The following ABCB11 variants were observed in gnomAD, a reference collection of about 807,000 sequenced individuals.
The protein encoded by ABCB11 is ATP binding cassette subfamily B member 11, also known as bile salt export pump.
ABCB11 carries 95 observed loss-of-function variants against 148.0 expected under a neutral mutation model. That is an observed-to-expected ratio of 0.64 (90% CI 0.54 to 0.76). The LOEUF is 0.76. ABCB11 is among the 30% of genes least tolerant of loss of function. The pLI is 0.00. For missense variants in ABCB11, 1,523 were observed against 1,617.8 expected (o/e 0.94, Z 1.01); for synonymous variants, 591 against 555.4 (o/e 1.06, Z -0.90).
At chr2:169,006,777 A>G (rs1695032240) in intron 5 of ABCB11, among the ~76,000 whole-genome samples, 1 of 152,186 alleles carries the variant, frequency 6.6e-6, no homozygotes, top group Admixed American at 6.5e-5. Context: ...CAAACTGAAA[A>G]TAAAATTAAG....
chr2:168,935,423 A>C lies in ABCB11; in HGVS notation c.2817T>G (p.Ile939Met), dbSNP rs190613050. 28 of 1,608,892 alleles carry C rather than the reference A, an allele frequency of 1.7e-5. 1 individual carries two copies. The African/African-American group carries it at 3.1e-4, about 18-fold the overall frequency. The change falls in exon 23 of 28, where the codon ATT (isoleucine) becomes ATG (methionine). Residue 939 changes from isoleucine (I) to methionine (M), a missense_variant and splice_region_variant. Ile to Met is a conservative substitution (Grantham distance 10). Transcript: ENST00000650372. ...DKQALEMVGQITNEALSNIRT... is the reference protein window; with the variant it reads ...DKQALEMVGQMTNEALSNIRT... ...GGATGTTACTGAGGGCTTCATTTGT[A>C]ATCTGAAGATTGAAAAAGAGTCTTA...
At position 168,970,059 on chromosome 2, in the gene ABCB11, C is replaced by G. The variant is rs996193241; in HGVS notation, c.1795G>C (p.Glu599Gln). Reference protein sequence around the residue: ...LDNESEAMVQEVLSKIQHGHT... With the variant: ...LDNESEAMVQQVLSKIQHGHT... ...CTTCCACAAACCTTACTCAGCACTT[C>G]TTGCACCATGGCTTCACTCTCATTG... Residue 599 changes from glutamate (E) to glutamine (Q), a missense_variant, in exon 15 of 28, where the codon GAA (glutamate) becomes CAA (glutamine). Physicochemically the swap from Glu to Gln is conservative, Grantham distance 29 (BLOSUM62 2). Transcript: ENST00000650372. The G allele has an allele frequency of 2.5e-6, 4 of 1,589,360 alleles. No individual in the cohort carries two copies. Among genetic ancestry groups the G allele is most frequent in the Non-Finnish European group, 3.4e-6 (4 of 1,163,994 alleles).
chr2:168,967,535 C>G (rs1179703267), intron 17 of ABCB11, among the ~76,000 whole-genome samples: 4 of 151,860 alleles, frequency 2.6e-5, no homozygotes, highest in Non-Finnish European at 4.4e-5. Context: ...TTTTAAGGCT[C>G]TTTAACAACT....
At chr2:168,960,519 A>C (rs536800028) in intron 18 of ABCB11, among the ~76,000 whole-genome samples, 6 of 151,662 alleles carry the variant, frequency 4.0e-5, no homozygotes, top group African/African-American at 9.7e-5. Flanking sequence ...CTAAACAACA[A>C]CACTTAGGAC....
chr2:169,005,887 C>A (rs1300396865), intron 5 of ABCB11, among the ~76,000 whole-genome samples: 2 of 151,986 alleles, frequency 1.3e-5, no homozygotes, highest in Non-Finnish European at 2.9e-5. Context: ...GGACCTATAA[C>A]AACTAAAGAG....
chr2:168,932,413 G>T lies in ABCB11; in HGVS notation c.3177C>A (p.Pro1059=). The part of the protein sequence containing the change: ...ARFFQLLDRQ[P]PISVYNTAGE... ...CTGCAGTATTGTATACACTGATTGGGGGTTGTCGGTCCAGCAGTTGAAAAA... is the reference window on the plus strand; with the variant it reads ...CTGCAGTATTGTATACACTGATTGGTGGTTGTCGGTCCAGCAGTTGAAAAA... The change falls in exon 24 of 28, where the codon CCC becomes CCA. Residue 1059 remains proline, a synonymous_variant. Coordinates refer to ENST00000650372, the MANE Select transcript of ABCB11 (RefSeq NM_003742.4). The T allele has an allele frequency of 6.3e-7, 1 of 1,582,870 alleles. No individual in the cohort carries two copies. Among genetic ancestry groups the T allele is most frequent in the Non-Finnish European group, 8.6e-7 (1 of 1,163,822 alleles).
At position 169,004,413 on chromosome 2, in the gene ABCB11, G is replaced by A. The variant is rs116712474; in HGVS notation, c.390-7691C>T. ...TTTGATGGATTAATTTGAAACCCAT[G>A]TCTTCAAACTCTGAAGTTTCTTTCT... On this transcript the variant is annotated intron_variant, in intron 5 of 27. Transcript: ENST00000650372. 8.3e-3 allele frequency among the ~76,000 whole-genome samples: 1,270 copies of A among 152,192 alleles called. 11 individuals carry two copies. Among genetic ancestry groups the A allele is most frequent in the Middle Eastern group, 0.044 (13 of 294 alleles).
chr2:168,959,358 A>AC (rs1478356229), intron 18 of ABCB11, among the ~76,000 whole-genome samples: 3 of 151,628 alleles, frequency 2.0e-5, no homozygotes, highest in African/African-American at 7.3e-5. Context: ...GCTCTAGGCA[A>AC]CCTATGCCAG....
At chr2:168,964,968 G>T (rs1308069545) in intron 17 of ABCB11, among the ~76,000 whole-genome samples, 3 of 151,802 alleles carry the variant, frequency 2.0e-5, no homozygotes, top group African/African-American at 7.2e-5. Context: ...GCCAATAACA[G>T]ATTTCTCCTT....
At position 168,935,343 on chromosome 2, in the gene ABCB11, T is replaced by C; in HGVS notation, c.2897A>G (p.Glu966Gly). 6.2e-7 allele frequency: 1 copy of C among 1,614,034 alleles called. No individual in the cohort carries two copies. Reference protein sequence around the residue: ...ERRFIEALETELEKPFKTAIQ... With the variant: ...ERRFIEALETGLEKPFKTAIQ... ...GGCTGTCTTGAAGGGCTTCTCCAGC[T>C]CAGTCTCAAGTGCTTCAATGAACCG... Residue 966 changes from glutamate to glycine, a missense_variant, in exon 23 of 28, where the codon GAG becomes GGG. Glu to Gly is a moderately conservative substitution (Grantham distance 98). Coordinates refer to ENST00000650372, the MANE Select transcript of ABCB11 (RefSeq NM_003742.4).
chr2:168,973,118 A>G (rs1693661976), intron 13 of ABCB11, among the ~76,000 whole-genome samples: 1 of 152,050 alleles, frequency 6.6e-6, no homozygotes, highest in Non-Finnish European at 1.5e-5. Flanking sequence ...TTAAGGACAC[A>G]ATAATATTTT....
At chr2:168,951,281 T>C (rs185016675) in intron 19 of ABCB11, among the ~76,000 whole-genome samples, 7 of 151,900 alleles carry the variant, frequency 4.6e-5, no homozygotes, top group African/African-American at 1.7e-4. Context: ...TTTTTCTAAT[T>C]CTGTGAAAAA....
intron 1 of ABCB11, among the ~76,000 whole-genome samples, chr2:169,029,406 A>G (rs570147748): frequency 5.6e-4 from 85 of 152,274 alleles, no homozygotes; most frequent in African/African-American, 2.0e-3. Flanking sequence ...GGAAAGAAAC[A>G]TTTAATATAT....
chr2:169,003,727 C>G (rs1301703652), intron 5 of ABCB11, among the ~76,000 whole-genome samples: 1 of 152,094 alleles, frequency 6.6e-6, no homozygotes, highest in African/African-American at 2.4e-5. Context: ...AAAAGTGTTC[C>G]CTTTTCACCA....
At chr2:168,961,015 T>C (rs756334169) in intron 18 of ABCB11, among the ~76,000 whole-genome samples, 2 of 151,686 alleles carry the variant, frequency 1.3e-5, no homozygotes, top group Non-Finnish European at 3.0e-5. Context: ...AGCTCCATAG[T>C]AGGGAGAGTA....
intron 23 of ABCB11, among the ~76,000 whole-genome samples, chr2:168,934,713 A>AATTCAC (rs758252586): frequency 2.0e-5 from 3 of 152,194 alleles, no homozygotes; most frequent in Non-Finnish European, 4.4e-5. Context: ...CGATCATATT[A>AATTCAC]ATTCACACTT....
intron 10 of ABCB11, among the ~76,000 whole-genome samples, chr2:168,982,178 G>C (rs1417223937): frequency 6.6e-6 from 1 of 152,120 alleles, no homozygotes; most frequent in African/African-American, 2.4e-5. Flanking sequence ...GTGTGCTGGA[G>C]AAAAAGGGGT....
chr2:168,968,824 A>G (rs572377205), intron 16 of ABCB11, among the ~76,000 whole-genome samples: 1 of 151,980 alleles, frequency 6.6e-6, no homozygotes, highest in Admixed American at 6.6e-5. Context: ...AAACTTTTCA[A>G]AAGTCTATTC....
chr2:168,949,752 A>G (rs981304682), intron 19 of ABCB11, among the ~76,000 whole-genome samples: 1 of 151,576 alleles, frequency 6.6e-6, no homozygotes, highest in South Asian at 2.1e-4. Context: ...TGAAGAATAC[A>G]AAGTATTGAT....
Sources: gnomAD v4.1 joint callset for allele counts (sites outside exome capture counted in the v4.1 genomes callset) on GRCh38, gnomAD v4.1.1 for gene constraint, MANE v1.5 for transcripts, NCBI Gene and HGNC (gene_info 2026-07-23, HGNC 2026-07-21) for gene names.